Variants in DOK5 observed in about 807,000 individuals in gnomAD.
DOK5 encodes docking protein 5.
In DOK5, 27 loss-of-function variants were observed where a neutral mutation model predicts 43.3. The ratio of observed to expected loss-of-function variants is 0.62; its 90% confidence interval spans 0.46 to 0.86. DOK5 has a LOEUF of 0.86. DOK5 is among the 40% of genes least tolerant of loss of function. The probability of loss-of-function intolerance (pLI) is 0.00; values close to 1 mark genes in which losing one functional copy is unlikely to be tolerated. For synonymous variants in DOK5, 146 were observed against 140.1 expected (o/e 1.04, Z -0.30); for missense variants, 373 against 392.9 (o/e 0.95, Z 0.43).
chr20:54,588,772 C>T lies in DOK5; in HGVS notation c.375C>T (p.Asp125=). ...ATGACATCAGCCTTGGAGAGCCTGA[C>T]TTACTGGCCACTGGGGTTGAGAGAG... ...RINDISLGEP[D]LLATGVEREQ... Residue 125 remains aspartate (D), a synonymous_variant, in exon 4 of 8, where the codon GAC becomes GAT. Coordinates refer to ENST00000262593, the MANE Select transcript of DOK5 (RefSeq NM_018431.5). 1.2e-6 allele frequency: 2 copies of T among 1,614,020 alleles called. No individual in the cohort carries two copies. The highest frequency in any genetic ancestry group is 1.1e-5 in the South Asian group (1 of 91,078).
At chr20:54,614,375 C>A (rs1456337079) in intron 6 of DOK5, among the ~76,000 whole-genome samples, 1 of 152,122 alleles carries the variant, frequency 6.6e-6, no homozygotes, top group Admixed American at 6.5e-5. Flanking sequence ...TGAGAGCGAG[C>A]TGTGAAGTAG....
intron 1 of DOK5, among the ~76,000 whole-genome samples, chr20:54,552,602 A>T (rs1021203128): frequency 3.9e-5 from 6 of 152,152 alleles, no homozygotes; most frequent in Non-Finnish European, 2.9e-5. Context: ...GTTGCTCTAT[A>T]GATAAGTAGA....
chr20:54,642,459 T>C (rs1475726111), intron 6 of DOK5, among the ~76,000 whole-genome samples: 1 of 149,912 alleles, frequency 6.7e-6, no homozygotes, highest in Admixed American at 6.7e-5. Flanking sequence ...ATCCTAACAT[T>C]CTGGGAGGCC....
intron 6 of DOK5, among the ~76,000 whole-genome samples, chr20:54,637,021 C>T (rs1367803877): frequency 6.6e-6 from 1 of 152,194 alleles, no homozygotes; most frequent in Non-Finnish European, 1.5e-5. Flanking sequence ...GAACTTCATT[C>T]TTCTTTTTAT....
intron 1 of DOK5, among the ~76,000 whole-genome samples, chr20:54,521,528 A>G (rs1983396085): frequency 6.6e-6 from 1 of 152,192 alleles, no homozygotes; most frequent in African/African-American, 2.4e-5. Flanking sequence ...AGGAACAGGC[A>G]TAAAAGAAAT....
At chr20:54,590,163 C>T (rs1039051142) in intron 4 of DOK5, among the ~76,000 whole-genome samples, 3 of 152,222 alleles carry the variant, frequency 2.0e-5, no homozygotes, top group Admixed American at 6.5e-5. Context: ...ATTGGCGGTG[C>T]GTAGGAGATA....
chr20:54,476,812 C>G (rs1040606867), intron 1 of DOK5, among the ~76,000 whole-genome samples: 2 of 152,198 alleles, frequency 1.3e-5, no homozygotes, highest in Non-Finnish European at 2.9e-5. Flanking sequence ...TCGCCCCTTT[C>G]TCTCTTGGCT....
intron 1 of DOK5, among the ~76,000 whole-genome samples, chr20:54,547,076 C>T (rs1449343949): frequency 3.3e-5 from 5 of 152,150 alleles, no homozygotes; most frequent in African/African-American, 9.7e-5. Context: ...GAAATACTAC[C>T]GTAGACCAGA....
At chr20:54,558,442 C>T (rs1011562786) in intron 2 of DOK5, among the ~76,000 whole-genome samples, 14 of 152,092 alleles carry the variant, frequency 9.2e-5, no homozygotes, top group Admixed American at 7.9e-4. Flanking sequence ...AGCCTCCAAG[C>T]CCTTGATGAA....
Position 54,588,775 on chromosome 20 carries a change from A to G in DOK5, c.378A>G (p.Leu126=). The G allele has an allele frequency of 6.2e-7, 1 of 1,614,004 alleles. No individual in the cohort carries two copies. The highest frequency in any genetic ancestry group is 1.3e-5 in the African/African-American group (1 of 75,030). ...INDISLGEPD[L]LATGVEREQS... The stretch of plus-strand genomic sequence containing the variant: ...ACATCAGCCTTGGAGAGCCTGACTT[A>G]CTGGCCACTGGGGTTGAGAGAGAAC... The change falls in exon 4 of 8, where the codon TTA becomes TTG. Residue 126 remains leucine, a synonymous_variant. Coordinates refer to ENST00000262593, the MANE Select transcript of DOK5 (RefSeq NM_018431.5).
intron 7 of DOK5, among the ~76,000 whole-genome samples, chr20:54,649,827 C>T (rs960679127): frequency 6.6e-6 from 1 of 152,138 alleles, no homozygotes; most frequent in Non-Finnish European, 1.5e-5. Flanking sequence ...CGCAATGAGA[C>T]CATATGGTCT....
intron 5 of DOK5, among the ~76,000 whole-genome samples, chr20:54,602,224 C>A (rs964349160): frequency 6.6e-6 from 1 of 152,202 alleles, no homozygotes; most frequent in Non-Finnish European, 1.5e-5. Context: ...ATACAAAATG[C>A]AATCTCTCAC....
intron 1 of DOK5, among the ~76,000 whole-genome samples, chr20:54,544,464 A>T (rs1984270705): frequency 6.6e-6 from 1 of 152,140 alleles, no homozygotes; most frequent in African/African-American, 2.4e-5. Flanking sequence ...GAAAATTCTG[A>T]CTTTCTTGGC....
At chr20:54,476,966 C>G (rs1981453099) in intron 1 of DOK5, among the ~76,000 whole-genome samples, 1 of 146,796 alleles carries the variant, frequency 6.8e-6, no homozygotes, top group South Asian at 2.1e-4. Context: ...CCTCATTTCT[C>G]TTTGCCTCCT....
intron 5 of DOK5, among the ~76,000 whole-genome samples, chr20:54,597,000 G>T (rs996153005): frequency 1.3e-5 from 2 of 152,170 alleles, no homozygotes; most frequent in Non-Finnish European, 2.9e-5. Flanking sequence ...TATGTGTCAA[G>T]CACTGCACTT....
intron 1 of DOK5, among the ~76,000 whole-genome samples, chr20:54,501,461 A>C (rs1460940281): frequency 1.7e-5 from 2 of 118,706 alleles, no homozygotes; most frequent in East Asian, 4.8e-4. Context: ...AGCGAGACTC[A>C]CTCTCAAAAA....
intron 1 of DOK5, among the ~76,000 whole-genome samples, chr20:54,510,597 A>G (rs1315383403): frequency 6.6e-6 from 1 of 152,222 alleles, no homozygotes; most frequent in Non-Finnish European, 1.5e-5. Flanking sequence ...GTTTTAAAAT[A>G]AATTCAACAT....
chr20:54,608,667 C>CT lies in DOK5; in HGVS notation c.600-1706dup, dbSNP rs11353769. ...GTTTTTCCCTCTATTTCTTCTTCTT[C>CT]TTTTTTTTTTTTTTTGGTGGGGGGA... On this transcript the variant is annotated intron_variant, in intron 5 of 7. Transcript: ENST00000262593. Among the ~76,000 whole-genome samples, 224 of 134,336 alleles carry CT rather than the reference C, an allele frequency of 1.7e-3. 3 individuals carry two copies. In the South Asian group the frequency reaches 0.02, roughly 12 times the overall value. 88.1% of individuals were successfully genotyped at this position (134,336 alleles called of 152,430 possible).
intron 1 of DOK5, among the ~76,000 whole-genome samples, chr20:54,538,373 A>C (rs1051846114): frequency 6.6e-6 from 1 of 152,164 alleles, no homozygotes; most frequent in African/African-American, 2.4e-5. Flanking sequence ...CCTAGCAAAA[A>C]TGTCCTTCAG....
Sources: allele counts gnomAD v4.1 joint callset (sites outside exome capture counted in the v4.1 genomes callset), GRCh38; gene constraint gnomAD v4.1.1; transcripts MANE v1.5; gene names NCBI Gene and HGNC (gene_info 2026-07-23, HGNC 2026-07-21).